Variants in AGBL1 observed in about 807,000 individuals in gnomAD.
AGBL1 encodes the protein AGBL carboxypeptidase 1, also known as cytosolic carboxypeptidase 4.
Under a neutral mutation model 118.9 loss-of-function variants are expected in AGBL1, and 130 were observed. That is an observed-to-expected ratio of 1.09 (90% CI 0.95 to 1.26). The LOEUF (loss-of-function observed/expected upper bound fraction) is 1.26. Among genes scored for constraint, AGBL1 ranks in the 50% most tolerant of loss-of-function variants. AGBL1 has a pLI of 0.00. For synonymous variants in AGBL1, 555 were observed against 478.9 expected (o/e 1.16, Z -2.08); for missense variants, 1,584 against 1,298.1 (o/e 1.22, Z -3.38).
At chr15:86,280,378 G>A (rs755585410) in intron 16 of AGBL1, among the ~76,000 whole-genome samples, 7 of 152,146 alleles carry the variant, frequency 4.6e-5, no homozygotes, top group Non-Finnish European at 8.8e-5. Context: ...GAGAGTAGAA[G>A]AAGTCAGTGC....
At chr15:86,495,644 A>G (rs1432328855) in intron 18 of AGBL1, among the ~76,000 whole-genome samples, 5 of 151,950 alleles carry the variant, frequency 3.3e-5, no homozygotes, top group Admixed American at 2.0e-4. Flanking sequence ...TTCTAATTCA[A>G]TTCCATTTTG....
intron 22 of AGBL1, among the ~76,000 whole-genome samples, chr15:86,698,614 T>TG (rs2086303211): frequency 6.6e-6 from 1 of 151,704 alleles, no homozygotes; most frequent in East Asian, 1.9e-4. Flanking sequence ...ATCATTGTTT[T>TG]TTTTTTTTTT....
intron 1 of AGBL1, among the ~76,000 whole-genome samples, chr15:86,125,798 A>C (rs1405031449): frequency 3.9e-5 from 6 of 152,256 alleles, no homozygotes; most frequent in Non-Finnish European, 5.9e-5. Context: ...TGATAATTCA[A>C]CATAAAGTGG....
chr15:86,733,346 T>C (rs1403632120), intron 22 of AGBL1, among the ~76,000 whole-genome samples: 1 of 152,092 alleles, frequency 6.6e-6, no homozygotes, highest in African/African-American at 2.4e-5. Context: ...CCTCAACAGA[T>C]TGTATGATGG....
chr15:86,146,463 C>G (rs1012698349), intron 3 of AGBL1, among the ~76,000 whole-genome samples: 1 of 152,174 alleles, frequency 6.6e-6, no homozygotes, highest in Non-Finnish European at 1.5e-5. Context: ...ATCCTGGAAC[C>G]AATCCCACGT....
chr15:86,490,793 AC>A (rs1286849235), intron 18 of AGBL1, among the ~76,000 whole-genome samples: 1 of 150,984 alleles, frequency 6.6e-6, no homozygotes, highest in Non-Finnish European at 1.5e-5. Flanking sequence ...TATTAAAACA[AC>A]ATAGACTTAG....
intron 21 of AGBL1, among the ~76,000 whole-genome samples, chr15:86,614,203 G>A (rs911620747): frequency 4.6e-5 from 7 of 152,182 alleles, no homozygotes; most frequent in Non-Finnish European, 8.8e-5. Context: ...GTATTAAACT[G>A]TTATACTCTG....
intron 22 of AGBL1, among the ~76,000 whole-genome samples, chr15:86,881,081 G>A (rs913762695): frequency 6.6e-6 from 1 of 152,126 alleles, no homozygotes; most frequent in African/African-American, 2.4e-5. Context: ...TGTGCATGGC[G>A]GGCAGTTCTC....
intron 21 of AGBL1, among the ~76,000 whole-genome samples, chr15:86,640,942 GT>G (rs1187512714): frequency 2.8e-5 from 4 of 142,222 alleles, no homozygotes; most frequent in Non-Finnish European, 6.1e-5. Context: ...ACTTAGTTTT[GT>G]TTTTATTTTT....
intron 1 of AGBL1, among the ~76,000 whole-genome samples, chr15:86,101,429 T>G (rs963877457): frequency 1.3e-5 from 2 of 152,028 alleles, no homozygotes; most frequent in Non-Finnish European, 2.9e-5. Context: ...GTTGTTAATT[T>G]TCTGTCTTGA....
intron 22 of AGBL1, among the ~76,000 whole-genome samples, chr15:86,766,277 C>A (rs1345274725): frequency 6.6e-6 from 1 of 151,836 alleles, no homozygotes; most frequent in Non-Finnish European, 1.5e-5. Flanking sequence ...TAGATCAAGA[C>A]CATTTTATGT....
intron 21 of AGBL1, among the ~76,000 whole-genome samples, chr15:86,609,823 A>T (rs1233982894): frequency 6.6e-6 from 1 of 152,172 alleles, no homozygotes; most frequent in East Asian, 1.9e-4. Flanking sequence ...GGTACTCATA[A>T]CAATTCATCC....
chr15:86,488,986 C>T lies in AGBL1; in HGVS notation c.2556-33824C>T, dbSNP rs1031286413. On this transcript the variant is annotated intron_variant, in intron 18 of 22. Coordinates refer to ENST00000614907, the MANE Select transcript of AGBL1 (RefSeq NM_001386094.1). ...ATCATTTTATTGTGGATTTAAAGAG[C>T]TGAGCAATGATTTCTTTGTTCCCTT... Among the ~76,000 whole-genome samples, 3 of 151,922 alleles carry T rather than the reference C, an allele frequency of 2.0e-5. No homozygotes were observed. In the South Asian group the frequency reaches 6.2e-4, roughly 31 times the overall value.
At chr15:86,603,909 C>T (rs370017843) in intron 21 of AGBL1, among the ~76,000 whole-genome samples, 42 of 152,126 alleles carry the variant, frequency 2.8e-4, no homozygotes, top group African/African-American at 4.8e-4. Context: ...TTTTCCAAGA[C>T]GAAGGAGGAC....
chr15:86,753,690 G>C (rs915371494), intron 22 of AGBL1, among the ~76,000 whole-genome samples: 4 of 152,014 alleles, frequency 2.6e-5, no homozygotes, highest in African/African-American at 2.4e-5. Context: ...AAGCCACTGC[G>C]CCTGGCCTCA....
intron 5 of AGBL1, among the ~76,000 whole-genome samples, chr15:86,204,574 G>C (rs2077960552): frequency 1.5e-5 from 2 of 136,966 alleles, no homozygotes; most frequent in African/African-American, 5.4e-5. Flanking sequence ...TCTTTCATTT[G>C]TTCATTCATT....
chr15:86,715,683 T>G (rs570651608), intron 22 of AGBL1, among the ~76,000 whole-genome samples: 2 of 152,170 alleles, frequency 1.3e-5, no homozygotes, highest in South Asian at 4.1e-4. Context: ...TGTTGGAATT[T>G]AAAGAAAGAA....
At chr15:86,612,469 C>G (rs754256241) in intron 21 of AGBL1, among the ~76,000 whole-genome samples, 1 of 151,940 alleles carries the variant, frequency 6.6e-6, no homozygotes, top group Non-Finnish European at 1.5e-5. Context: ...TCTGACATGC[C>G]TCATCACACC....
At chr15:86,898,669 C>A (rs1002854489) in intron 22 of AGBL1, among the ~76,000 whole-genome samples, 1 of 151,996 alleles carries the variant, frequency 6.6e-6, no homozygotes, top group East Asian at 1.9e-4. Flanking sequence ...AGTCTAATAT[C>A]CAGCATCTAT....
Sources: allele counts gnomAD v4.1 joint callset (sites outside exome capture counted in the v4.1 genomes callset), GRCh38; gene constraint gnomAD v4.1.1; transcripts MANE v1.5; gene names NCBI Gene and HGNC (gene_info 2026-07-23, HGNC 2026-07-21).